Variants in GLMN observed in about 807,000 individuals in gnomAD.
GLMN encodes the protein glomulin, FKBP associated protein, also known as glomulin.
Under a neutral mutation model 87.8 loss-of-function variants are expected in GLMN, and 75 were observed. The observed-to-expected ratio is 0.85, with a 90% CI of 0.71 to 1.04. The LOEUF (loss-of-function observed/expected upper bound fraction) is 1.04, where lower values mean the gene tolerates loss of function less well. Among genes scored for constraint, GLMN ranks in the 50% least tolerant of loss-of-function variants. GLMN has a pLI of 0.00. For missense variants in GLMN, 588 were observed against 658.8 expected, an observed-to-expected ratio of 0.89 and a Z score of 1.18; for synonymous variants, 206 against 221.6, an observed-to-expected ratio of 0.93 and a Z score of 0.63.
chr1:92,270,613 A>C (rs1402958389), intron 8 of GLMN, among the ~76,000 whole-genome samples: 1 of 152,194 alleles, frequency 6.6e-6, no homozygotes, highest in Admixed American at 6.5e-5. Context: ...AATGCCTATA[A>C]GACAAATACA....
rs372862178 is a variant in GLMN, at chr1:92,289,129, C to T, written c.417G>A (p.Lys139=). 6.2e-7 allele frequency: 1 copy of T among 1,600,078 alleles called. No homozygotes were observed. The highest frequency in any genetic ancestry group is 8.6e-7 in the Non-Finnish European group (1 of 1,167,318). Reference sequence around the variant, plus strand: ...ACAATGCTAATCCAATTGAATATGCCTTGTTATGAAGTTTCTGAATCACTA... The same window carrying T: ...ACAATGCTAATCCAATTGAATATGCTTTGTTATGAAGTTTCTGAATCACTA... ...LQTVIQKLHN[K]AYSIGLALST... The change falls in exon 6 of 19, where the codon AAG becomes AAA. Residue 139 remains lysine (K), a synonymous_variant. Transcript: ENST00000370360.
intron 5 of GLMN, 76 bp downstream of exon 5, chr1:92,290,122 T>C: frequency 1.2e-6 from 1 of 841,606 alleles, no homozygotes. Flanking sequence ...TTTGGTGTAG[T>C]ATTGACATTT....
chr1:92,255,248 A>G (rs2100815874), intron 16 of GLMN, among the ~76,000 whole-genome samples: 1 of 152,370 alleles, frequency 6.6e-6, no homozygotes, highest in East Asian at 1.9e-4. Context: ...AGAAACACCC[A>G]GATTCATAAA....
the GLMN span, among the ~76,000 whole-genome samples, chr1:92,351,428 A>G: frequency 4.6e-5 from 7 of 152,142 alleles, no homozygotes; most frequent in African/African-American, 1.7e-4. Flanking sequence ...TGTTACCCAC[A>G]ATATAAGAAA....
At chr1:92,341,561 C>T in the GLMN span, among the ~76,000 whole-genome samples, 2 of 152,144 alleles carry the variant, frequency 1.3e-5, no homozygotes, top group African/African-American at 2.4e-5. Flanking sequence ...ATACAGCAGA[C>T]ACTCTAAATA....
the GLMN span, among the ~76,000 whole-genome samples, chr1:92,327,384 T>C: frequency 6.6e-6 from 1 of 152,268 alleles, no homozygotes; most frequent in African/African-American, 2.4e-5. Context: ...ATTTTCCTAT[T>C]GGACTAGTCC....
At chr1:92,348,374 A>G in the GLMN span, among the ~76,000 whole-genome samples, 1 of 152,182 alleles carries the variant, frequency 6.6e-6, no homozygotes, top group Non-Finnish European at 1.5e-5. Flanking sequence ...AGCTTCTTTA[A>G]AAATCTTTGG....
At chr1:92,329,084 T>C in the GLMN span, among the ~76,000 whole-genome samples, 2 of 152,142 alleles carry the variant, frequency 1.3e-5, no homozygotes, top group African/African-American at 4.8e-5. Context: ...TTGTATTTTT[T>C]TTAAGTGCGC....
intron 6 of GLMN, among the ~76,000 whole-genome samples, chr1:92,287,161 G>A (rs1180828388): frequency 6.6e-6 from 1 of 152,106 alleles, no homozygotes; most frequent in Non-Finnish European, 1.5e-5. Flanking sequence ...GAATGTTTGA[G>A]GGCTGGTGCT....
upstream of GLMN, among the ~76,000 whole-genome samples, chr1:92,302,626 G>A (rs1650940502): frequency 1.4e-5 from 1 of 70,430 alleles, no homozygotes; most frequent in African/African-American, 4.0e-5. Flanking sequence ...TTTTGAGACG[G>A]AGCCTCACTC....
chr1:92,329,097 G>A, the GLMN span, among the ~76,000 whole-genome samples: 1 of 152,206 alleles, frequency 6.6e-6, no homozygotes. Flanking sequence ...AAGTGCGCTG[G>A]TTTTGTGTTG....
the GLMN span, among the ~76,000 whole-genome samples, chr1:92,355,391 G>A: frequency 6.6e-6 from 1 of 152,274 alleles, no homozygotes; most frequent in African/African-American, 2.4e-5. Flanking sequence ...ACTAATTCAA[G>A]TATGAGGTGT....
chr1:92,290,412 GTTT>G, intron 4 of GLMN, 106 bp from the exon 5 acceptor site: 2 of 717,124 alleles, frequency 2.8e-6, no homozygotes, highest in Middle Eastern at 3.8e-4. Flanking sequence ...ATACAATTAT[GTTT>G]TTGCTTAACA....
rs569457378 is a variant in GLMN at position 92,268,364 on chromosome 1, T to C, written c.978-229A>G. 1.7e-3 allele frequency among the ~76,000 whole-genome samples: 266 copies of C among 152,366 alleles called. 2 individuals are homozygous for C. Among genetic ancestry groups the C allele is most frequent in the Non-Finnish European group, 2.8e-3 (190 of 68,038 alleles). On this transcript the variant is annotated intron_variant, in intron 9 of 18. Transcript: ENST00000370360. ...CCAAAATAAATCTACTCAGGGATTA[T>C]TTCCTAACTTCAAAACAATAGATCT...
At chr1:92,348,828 C>T in the GLMN span, among the ~76,000 whole-genome samples, 1 of 152,222 alleles carries the variant, frequency 6.6e-6, no homozygotes, top group Non-Finnish European at 1.5e-5. Context: ...CACCCCTCTT[C>T]TCCCCCTTAC....
At chr1:92,298,685 A>C (rs373077493) in intron 1 of GLMN, among the ~76,000 whole-genome samples, 1 of 152,148 alleles carries the variant, frequency 6.6e-6, no homozygotes. Context: ...CTCGGCCCCA[A>C]GCCCTCAGTA....
upstream of GLMN, chr1:92,299,132 C>T (rs1016464166): frequency 6.6e-7 from 1 of 1,519,534 alleles, no homozygotes; most frequent in Non-Finnish European, 8.9e-7. Context: ...CCCCGCTGCT[C>T]TCGAAAAGCC....
At chr1:92,252,582 T>G (rs1194522576) in intron 16 of GLMN, among the ~76,000 whole-genome samples, 2 of 152,154 alleles carry the variant, frequency 1.3e-5, no homozygotes, top group Non-Finnish European at 1.5e-5. Flanking sequence ...TTTTTACATA[T>G]TCTGTTCAGC....
chr1:92,296,985 A>G (rs570261987), intron 3 of GLMN, among the ~76,000 whole-genome samples: 82 of 152,266 alleles, frequency 5.4e-4, no homozygotes, highest in Middle Eastern at 3.4e-3. Context: ...ACCAGAAGTA[A>G]TTCTGTTTCT....
Sources: allele counts gnomAD v4.1 joint callset (sites outside exome capture counted in the v4.1 genomes callset), GRCh38; gene constraint gnomAD v4.1.1; transcripts MANE v1.5; gene names NCBI Gene and HGNC (gene_info 2026-07-23, HGNC 2026-07-21).